TLE4: variants seen among roughly 807,000 people sequenced by gnomAD.
TLE4 encodes transducin-like enhancer protein 4.
A neutral mutation model predicts 92.8 loss-of-function variants in TLE4; 8 were observed. The observed-to-expected ratio is 0.09, with a 90% CI of 0.05 to 0.16. TLE4 has a LOEUF of 0.16. Among genes scored for constraint, TLE4 ranks in the 10% least tolerant of loss-of-function variants. The pLI, the probability that TLE4 is intolerant of heterozygous loss-of-function variation, is 1.00. For missense variants in TLE4, 675 were observed against 997.6 expected, an observed-to-expected ratio of 0.68 and a Z score of 4.36; for synonymous variants, 371 against 374.1, an observed-to-expected ratio of 0.99 and a Z score of 0.10.
intron 14 of TLE4, among the ~76,000 whole-genome samples, chr9:79,717,655 GT>G (rs2074794739): frequency 6.6e-6 from 1 of 152,196 alleles, no homozygotes. Context: ...ACGATAAACT[GT>G]TTTAATTTAA....
At chr9:79,631,319 C>A (rs574180157) in intron 6 of TLE4, among the ~76,000 whole-genome samples, 4 of 152,306 alleles carry the variant, frequency 2.6e-5, no homozygotes, top group Admixed American at 2.0e-4. Flanking sequence ...TTTGGACTTT[C>A]TCTACCTCCT....
intron 4 of TLE4, among the ~76,000 whole-genome samples, chr9:79,593,993 C>G (rs1380005327): frequency 6.6e-6 from 1 of 152,178 alleles, no homozygotes; most frequent in Non-Finnish European, 1.5e-5. Flanking sequence ...TTCTGAGTCT[C>G]AGTTCCTCAT....
At chr9:79,655,735 A>G (rs1373804486) in intron 8 of TLE4, among the ~76,000 whole-genome samples, 1 of 152,210 alleles carries the variant, frequency 6.6e-6, no homozygotes, top group East Asian at 1.9e-4. Context: ...GCTAGGATTA[A>G]CTGATACCAG....
At chr9:79,622,937 A>C (rs2051407974) in intron 5 of TLE4, among the ~76,000 whole-genome samples, 1 of 152,166 alleles carries the variant, frequency 6.6e-6, no homozygotes, top group African/African-American at 2.4e-5. Flanking sequence ...ACTTTAATTA[A>C]TATTGTTCAT....
At chr9:79,716,566 G>A (rs1021244923) in intron 14 of TLE4, among the ~76,000 whole-genome samples, 2 of 152,170 alleles carry the variant, frequency 1.3e-5, no homozygotes, top group Non-Finnish European at 2.9e-5. Flanking sequence ...GATGGTAACT[G>A]GAACATACGA....
intron 4 of TLE4, chr9:79,576,847 T>TA (rs1046909200): frequency 1.3e-5 from 2 of 151,480 alleles, no homozygotes; most frequent in Admixed American, 1.3e-4. Context: ...CACTGAGAGA[T>TA]ACGACTCAAA....
chr9:79,659,533 G>A (rs1049535948), intron 8 of TLE4, among the ~76,000 whole-genome samples: 5 of 151,744 alleles, frequency 3.3e-5, no homozygotes, highest in South Asian at 2.1e-4. Context: ...AATGAGATTC[G>A]AATAGGATTC....
chr9:79,606,078 G>GC (rs1473790064), intron 4 of TLE4, among the ~76,000 whole-genome samples: 4 of 150,876 alleles, frequency 2.7e-5, no homozygotes, highest in African/African-American at 9.7e-5. Flanking sequence ...TTTAAAAACA[G>GC]CAAGTCTTAG....
chr9:79,595,872 G>A (rs1008867944), intron 4 of TLE4, among the ~76,000 whole-genome samples: 3 of 142,194 alleles, frequency 2.1e-5, no homozygotes, highest in African/African-American at 8.1e-5. Flanking sequence ...TTTTTGAGAC[G>A]GAGTCTTGCT....
Position 79,726,677 on chromosome 9 carries a change from A to G in TLE4, c.*1533A>G, listed in dbSNP as rs2076401080. The G allele has an allele frequency of 6.6e-6, 1 of 152,670 alleles. No individual in the cohort carries two copies. The highest frequency in any genetic ancestry group is 2.1e-4 in the South Asian group (1 of 4,832). The allele number at this position is 152,670 out of a possible 1,614,324, so 9.5% of individuals were successfully genotyped here. On this transcript the variant is annotated 3_prime_UTR_variant, in exon 20 of 20. Transcript: ENST00000376552. ...CTAATGCATTGTATTGACCACCAGT[A>G]CTTCTATAATGGTAGATTGTTTGTG...
chr9:79,725,316 A>G lies in TLE4; in HGVS notation c.*172A>G, dbSNP rs995637141. The G allele has an allele frequency of 1.5e-5, 8 of 520,444 alleles. No homozygotes were observed. Among genetic ancestry groups the G allele is most frequent in the Non-Finnish European group, 2.8e-5 (8 of 289,810 alleles). 32.2% of individuals were successfully genotyped at this position (520,444 alleles called of 1,614,324 possible). A position where few individuals can be genotyped will look rare whatever the true frequency, so the allele number is the denominator to read the frequency against. ...CTTCCCACTTGCTATTGAATTGTGAATAGTCATTAAAAACCTGTGATACCA... is the reference window on the plus strand; with the variant it reads ...CTTCCCACTTGCTATTGAATTGTGAGTAGTCATTAAAAACCTGTGATACCA... On this transcript the variant is annotated 3_prime_UTR_variant, in exon 20 of 20. Transcript: ENST00000376552.
At chr9:79,717,238 C>A (rs949300937) in intron 14 of TLE4, among the ~76,000 whole-genome samples, 1 of 152,176 alleles carries the variant, frequency 6.6e-6, no homozygotes, top group Non-Finnish European at 1.5e-5. Context: ...TTCACCTCCC[C>A]ATAGGTGTAC....
chr9:79,624,337 G>T (rs983616071), intron 5 of TLE4, among the ~76,000 whole-genome samples: 1 of 152,114 alleles, frequency 6.6e-6, no homozygotes, highest in East Asian at 1.9e-4. Context: ...AGGCTGTGGC[G>T]TAATGTTACA....
At position 79,688,881 on chromosome 9, in the gene TLE4, C is replaced by T. The variant is rs147287652; in HGVS notation, c.610-15902C>T. On this transcript the variant is annotated intron_variant, in intron 8 of 19. Coordinates refer to ENST00000376552, the MANE Select transcript of TLE4 (RefSeq NM_007005.6). ...TGAGCTGCCTGAGTGTTAATCTAGA[C>T]AAGCTGACAGTGGCATGTGGAGGAC... is the stretch of plus-strand genomic sequence containing the variant. 1.9e-4 allele frequency among the ~76,000 whole-genome samples: 29 copies of T among 152,050 alleles called. No individual in the cohort carries two copies. The East Asian group carries it at 4.3e-3, about 23-fold the overall frequency.
At chr9:79,577,774 A>AC (rs1390074396) in intron 4 of TLE4, among the ~76,000 whole-genome samples, 1 of 152,052 alleles carries the variant, frequency 6.6e-6, no homozygotes, top group Non-Finnish European at 1.5e-5. Context: ...TATCTTGTTT[A>AC]CCCTAACCAC....
chr9:79,676,367 A>G (rs1041204944), intron 8 of TLE4, among the ~76,000 whole-genome samples: 2 of 152,178 alleles, frequency 1.3e-5, no homozygotes, highest in Non-Finnish European at 2.9e-5. Flanking sequence ...CCAATTTGGT[A>G]TTCTTAAAGT....
At chr9:79,705,989 AAAG>A in intron 10 of TLE4, 47 bp downstream of exon 10, 2 of 1,550,568 alleles carry the variant, frequency 1.3e-6, no homozygotes, top group Non-Finnish European at 1.8e-6. Flanking sequence ...CAGCCATATC[AAAG>A]ACTAGTTGCC....
In TLE4 at chr9:79,705,917, A is replaced by T; in HGVS notation, c.758A>T (p.Asn253Ile). Residue 253 changes from asparagine to isoleucine, a missense_variant, in exon 10 of 20, where the codon AAC (asparagine) becomes ATC (isoleucine). By Grantham distance (149) the Asn-to-Ile change is moderately radical (BLOSUM62 -3). This residue lies in a region of TLE4 where 280 missense variants were observed against 287.3 expected (regional missense o/e 0.97). Coordinates refer to ENST00000376552, the MANE Select transcript of TLE4 (RefSeq NM_007005.6). The part of the protein sequence containing the change: ...YDSDGEKSDD[N>I]LVVDVSNEDP... ...AGCGATGGTGAGAAAAGTGATGACA[A>T]CTTGGTGGTTGACGTTTCCAATGAG... 6.2e-7 allele frequency: 1 copy of T among 1,614,198 alleles called. No individual in the cohort carries two copies. Among genetic ancestry groups the T allele is most frequent in the Non-Finnish European group, 8.5e-7 (1 of 1,180,038 alleles).
At position 79,592,149 on chromosome 9, in the gene TLE4, TTTC is replaced by T. The variant is rs542229037; in HGVS notation, c.252+15991_252+15993del. Among the ~76,000 whole-genome samples, 724 of 148,850 alleles carry T rather than the reference TTTC, an allele frequency of 4.9e-3. 7 individuals carry two copies. The highest frequency in any genetic ancestry group is 0.012 in the African/African-American group (502 of 40,214). On this transcript the variant is annotated intron_variant, in intron 4 of 19. Transcript: ENST00000376552. ...CTTTCTTCTTCTTTCTTCTTTCTTC[TTTC>T]TTCTTCTTCTTCTTCTTCCTCTTCC...
Sources: gnomAD v4.1 joint callset for allele counts (sites outside exome capture counted in the v4.1 genomes callset) on GRCh38, gnomAD v4.1.1 for gene constraint, gnomAD v4.1.1 regional missense constraint, MANE v1.5 for transcripts, NCBI Gene and HGNC (gene_info 2026-07-23, HGNC 2026-07-21) for gene names.